The following TP53BP1 variants were observed in gnomAD, a reference collection of about 807,000 sequenced individuals.
TP53BP1 encodes tumor protein p53 binding protein 1, also known as TP53-binding protein 1.
Under a neutral mutation model 200.8 loss-of-function variants are expected in TP53BP1, and 61 were observed. That is an observed-to-expected ratio of 0.30 (90% CI 0.25 to 0.38). The LOEUF (loss-of-function observed/expected upper bound fraction) is 0.38. TP53BP1 is among the 10% of genes least tolerant of loss of function. The pLI, the probability that TP53BP1 is intolerant of heterozygous loss-of-function variation, is 1.00. For synonymous variants in TP53BP1, 822 were observed against 844.3 expected, an observed-to-expected ratio of 0.97 and a Z score of 0.46; for missense variants, 2,144 against 2,371.9, an observed-to-expected ratio of 0.90 and a Z score of 2.00.
At chr15:43,431,438 TCTCA>T (rs1429819210) in intron 17 of TP53BP1, among the ~76,000 whole-genome samples, 4 of 152,098 alleles carry the variant, frequency 2.6e-5, no homozygotes, top group African/African-American at 4.8e-5. Flanking sequence ...AGAGACAAGG[TCTCA>T]CTATGTTGCC....
rs45591735 is a variant in TP53BP1, at chr15:43,433,688, T to C, written c.3192-1011A>G. The stretch of plus-strand genomic sequence containing the variant: ...CCAGAATAAAAATAAAAGGAATCCA[T>C]TCTGAACTGACCATGCTAAGACCAC... On this transcript the variant is annotated intron_variant, in intron 16 of 27. Transcript: ENST00000382044. Among the ~76,000 whole-genome samples, 976 of 152,312 alleles carry C rather than the reference T, an allele frequency of 6.4e-3. 9 individuals carry two copies. Among genetic ancestry groups the C allele is most frequent in the African/African-American group, 0.022 (927 of 41,564 alleles).
At position 43,456,688 on chromosome 15, in the gene TP53BP1, A is replaced by G. The variant is rs1364131816; in HGVS notation, c.1920T>C (p.Ser640=). The change falls in exon 12 of 28, where the codon TCT becomes TCC. Residue 640 remains serine (S), a synonymous_variant. Coordinates refer to ENST00000382044, the MANE Select transcript of TP53BP1 (RefSeq NM_001141980.3). ...SQAVPSPATR[S]EALSSVLDQE... is the part of the protein sequence containing the mutation. Reference sequence around the variant, plus strand: ...GATCTAACACACTAGAAAGTGCCTCAGATCGAGTAGCTGGTGACGGAACTG... The same window carrying G: ...GATCTAACACACTAGAAAGTGCCTCGGATCGAGTAGCTGGTGACGGAACTG... 6.2e-7 allele frequency: 1 copy of G among 1,614,070 alleles called. No individual in the cohort carries two copies. The highest frequency in any genetic ancestry group is 1.3e-5 in the African/African-American group (1 of 74,948).
chr15:43,404,807 G>A lies in TP53BP1; in HGVS notation c.*2576C>T. On this transcript the variant is annotated 3_prime_UTR_variant, in exon 28 of 28. Coordinates refer to ENST00000382044, the MANE Select transcript of TP53BP1 (RefSeq NM_001141980.3). ...CCTTTGCTAGGTTATGTATTGCTATGCTGGGAGGCAGTGGGCCTTCCACTC... is the reference window on the plus strand; with the variant it reads ...CCTTTGCTAGGTTATGTATTGCTATACTGGGAGGCAGTGGGCCTTCCACTC... 1 of 502,360 alleles carries A rather than the reference G, an allele frequency of 2.0e-6. No individual in the cohort carries two copies. Among genetic ancestry groups the A allele is most frequent in the Non-Finnish European group, 3.5e-6 (1 of 286,572 alleles). 31.1% of individuals were successfully genotyped at this position (502,360 alleles called of 1,614,324 possible). A position where few individuals can be genotyped will look rare whatever the true frequency, so the allele number is the denominator to read the frequency against.
intron 14 of TP53BP1, among the ~76,000 whole-genome samples, chr15:43,442,879 G>A (rs1297020175): frequency 2.3e-5 from 3 of 132,406 alleles, no homozygotes; most frequent in African/African-American, 9.0e-5. Context: ...AGGCTGGAGT[G>A]CAGTGGCATG....
intron 11 of TP53BP1, among the ~76,000 whole-genome samples, chr15:43,469,503 G>A (rs1054209781): frequency 1.3e-5 from 2 of 151,932 alleles, no homozygotes; most frequent in Non-Finnish European, 2.9e-5. Context: ...CTGTGTCATA[G>A]GCAAAAAAAT....
In TP53BP1 at chr15:43,480,904, C is replaced by T. The variant is rs952284207; in HGVS notation, c.490G>A (p.Gly164Ser). 11 of 1,613,966 alleles carry T rather than the reference C, an allele frequency of 6.8e-6. No individual in the cohort carries two copies. In the Admixed American group the frequency reaches 8.3e-5, roughly 12 times the overall value. The change falls in exon 5 of 28, where the codon GGT becomes AGT. Residue 164 changes from glycine to serine, a missense_variant. Transcript: ENST00000382044. ...AAAAGCACAAGGCTACCTTCAGCACCAAGGGAATGTGTAGTATTGCCTGAA... is the reference window on the plus strand; with the variant it reads ...AAAAGCACAAGGCTACCTTCAGCACTAAGGGAATGTGTAGTATTGCCTGAA... ...DTSGNTTHSL[G>S]AEDTASSQLG...
chr15:43,462,401 A>T (rs2046460686), intron 11 of TP53BP1, among the ~76,000 whole-genome samples: 1 of 152,000 alleles, frequency 6.6e-6, no homozygotes, highest in Non-Finnish European at 1.5e-5. Flanking sequence ...CCTGAACTCA[A>T]GCAATCTTCC....
chr15:43,475,291 C>T (rs1405891443), intron 9 of TP53BP1, among the ~76,000 whole-genome samples: 2 of 152,212 alleles, frequency 1.3e-5, no homozygotes, highest in Non-Finnish European at 2.9e-5. Context: ...AACAGAGGAG[C>T]AGAATGCTTG....
At chr15:43,449,248 G>A (rs953947724) in intron 12 of TP53BP1, among the ~76,000 whole-genome samples, 1 of 152,202 alleles carries the variant, frequency 6.6e-6, no homozygotes, top group Admixed American at 6.5e-5. Flanking sequence ...GGGTCAGGTA[G>A]ATAAGCATTC....
intron 24 of TP53BP1, among the ~76,000 whole-genome samples, chr15:43,410,186 A>G (rs889143289): frequency 1.3e-5 from 2 of 152,242 alleles, no homozygotes; most frequent in Non-Finnish European, 2.9e-5. Context: ...TGAACACTTT[A>G]TAAGTTATAT....
At position 43,432,176 on chromosome 15, in the gene TP53BP1, C is replaced by T. The variant is rs1282641093; in HGVS notation, c.3675+18G>A. 6.2e-7 allele frequency: 1 copy of T among 1,609,376 alleles called. No individual in the cohort carries two copies. Among genetic ancestry groups the T allele is most frequent in the Non-Finnish European group, 8.5e-7 (1 of 1,177,470 alleles). ...GTTAAAAACAAGGCCTCTGATGCACCCTAGTATGTTCTCTCACCTGGCTAT... is the reference window on the plus strand; with the variant it reads ...GTTAAAAACAAGGCCTCTGATGCACTCTAGTATGTTCTCTCACCTGGCTAT... On this transcript the variant is annotated intron_variant, in intron 17 of 27. Coordinates refer to ENST00000382044, the MANE Select transcript of TP53BP1 (RefSeq NM_001141980.3).
chr15:43,509,916 G>T (rs1251587478), intron 1 of TP53BP1, among the ~76,000 whole-genome samples: 1 of 152,132 alleles, frequency 6.6e-6, no homozygotes, highest in Non-Finnish European at 1.5e-5. Flanking sequence ...GTGAAAGATA[G>T]GCGCTCCCAT....
At chr15:43,455,807 C>G in intron 12 of TP53BP1, 85 bp downstream of exon 12, 1 of 1,481,878 alleles carries the variant, frequency 6.7e-7, no homozygotes, top group Non-Finnish European at 9.2e-7. Flanking sequence ...GTGTTCACTC[C>G]TGACATAAGC....
rs1399598071 is a variant in TP53BP1 at position 43,407,411 on chromosome 15, T to G, written c.5906A>C (p.Lys1969Thr). The G allele has an allele frequency of 9.3e-6, 15 of 1,614,080 alleles. No individual in the cohort carries two copies. Among genetic ancestry groups the G allele is most frequent in the Admixed American group, 5.0e-5 (3 of 60,000 alleles). Residue 1969 changes from lysine to threonine, a missense_variant, in exon 28 of 28, where the codon AAA becomes ACA. This residue lies in a region of TP53BP1 where 334 missense variants were observed against 453.4 expected (regional missense o/e 0.74). Transcript: ENST00000382044. ...GTGAGAAACATAATCGTGTTTATAT[T>G]TTGGATGCTGCTTGAATCCAATTCT... Reference protein sequence around the residue: ...GERIGFKQHPKYKHDYVSH With the variant: ...GERIGFKQHPTYKHDYVSH
chr15:43,509,416 T>G (rs1190455111), intron 1 of TP53BP1, among the ~76,000 whole-genome samples: 1 of 152,184 alleles, frequency 6.6e-6, no homozygotes, highest in African/African-American at 2.4e-5. Flanking sequence ...TAAAGTTTTT[T>G]GTTTTGTTTT....
chr15:43,403,880 G>C lies in TP53BP1; in HGVS notation c.*3503C>G. 1 of 975,224 alleles carries C rather than the reference G, an allele frequency of 1.0e-6. No homozygotes were observed. Among genetic ancestry groups the C allele is most frequent in the South Asian group, 1.3e-5 (1 of 75,924 alleles). The allele number at this position is 975,224 out of a possible 1,614,324, so 60.4% of individuals were successfully genotyped here. ...ATGGAGAATTCATGATCTTTCCTCT[G>C]AGTCAGTAAAGCATTTCCTCAATAC... is the stretch of plus-strand genomic sequence containing the variant. On this transcript the variant is annotated 3_prime_UTR_variant, in exon 28 of 28. Coordinates refer to ENST00000382044, the MANE Select transcript of TP53BP1 (RefSeq NM_001141980.3).
At chr15:43,441,403 T>G in intron 15 of TP53BP1, 123 bp downstream of exon 15, 1 of 730,516 alleles carries the variant, frequency 1.4e-6, no homozygotes. Context: ...CATTGCTAAA[T>G]CCTTTATGAA....
chr15:43,432,079 T>C, intron 17 of TP53BP1, 115 bp downstream of exon 17: 1 of 1,433,674 alleles, frequency 7.0e-7, no homozygotes, highest in Non-Finnish European at 9.4e-7. Flanking sequence ...TTAACCACTG[T>C]TCTGTACAAA....
At chr15:43,437,983 G>A (rs199509297) in intron 16 of TP53BP1, among the ~76,000 whole-genome samples, 5 of 152,148 alleles carry the variant, frequency 3.3e-5, no homozygotes, top group Admixed American at 1.3e-4. Context: ...ATCGTAACAC[G>A]GTGGAAAGAC....
Sources: gnomAD v4.1 joint callset for allele counts (sites outside exome capture counted in the v4.1 genomes callset) on GRCh38, gnomAD v4.1.1 for gene constraint, gnomAD v4.1.1 regional missense constraint, MANE v1.5 for transcripts, NCBI Gene and HGNC (gene_info 2026-07-23, HGNC 2026-07-21) for gene names.